The following FRMD4B variants were observed in gnomAD, a reference collection of about 807,000 sequenced individuals.
The protein encoded by FRMD4B is FERM domain-containing protein 4B.
Under a neutral mutation model 141.5 loss-of-function variants are expected in FRMD4B, and 74 were observed. The observed-to-expected ratio is 0.52, with a 90% CI of 0.43 to 0.63. The LOEUF (loss-of-function observed/expected upper bound fraction) is 0.63, where lower values mean the gene tolerates loss of function less well. FRMD4B is among the 30% of genes least tolerant of loss of function. FRMD4B has a pLI of 0.00. For missense variants in FRMD4B, 1,366 were observed against 1,253.4 expected (o/e 1.09, Z -1.36); for synonymous variants, 506 against 467.9 (o/e 1.08, Z -1.05).
At chr3:69,504,698 T>C (rs1706566414) in intron 1 of FRMD4B, among the ~76,000 whole-genome samples, 1 of 152,218 alleles carries the variant, frequency 6.6e-6, no homozygotes, top group African/African-American at 2.4e-5. Context: ...ATTTTATTTA[T>C]CCATTCATCA....
intron 1 of FRMD4B, among the ~76,000 whole-genome samples, chr3:69,516,221 T>C (rs1700754220): frequency 6.6e-6 from 1 of 151,452 alleles, no homozygotes; most frequent in Non-Finnish European, 1.5e-5. Flanking sequence ...CAAGACCCTA[T>C]CTCTAAAATA....
intron 4 of FRMD4B, among the ~76,000 whole-genome samples, chr3:69,290,706 C>G (rs1021337321): frequency 6.6e-6 from 1 of 152,148 alleles, no homozygotes; most frequent in African/African-American, 2.4e-5. Flanking sequence ...AAGTGCTTCC[C>G]GATTGTTCTC....
chr3:69,433,626 C>T (rs1705214062), intron 1 of FRMD4B, among the ~76,000 whole-genome samples: 1 of 152,232 alleles, frequency 6.6e-6, no homozygotes, highest in Non-Finnish European at 1.5e-5. Flanking sequence ...CCTTTGCCCT[C>T]TCTCTCCTTC....
intron 8 of FRMD4B, 63 bp downstream of exon 8, chr3:69,224,544 A>G (rs938066547): frequency 1.3e-6 from 1 of 768,380 alleles, no homozygotes; most frequent in African/African-American, 1.7e-5. Flanking sequence ...AATGCCCTGA[A>G]AAGCATGTAG....
At chr3:69,250,268 T>C in intron 5 of FRMD4B, 169 bp from the exon 6 acceptor site, 1 of 656,550 alleles carries the variant, frequency 1.5e-6, no homozygotes, top group South Asian at 1.7e-5. Flanking sequence ...CATTGAGGGT[T>C]AAGGCGAAAC....
intron 1 of FRMD4B, among the ~76,000 whole-genome samples, chr3:69,338,920 C>T (rs1274298531): frequency 1.3e-5 from 2 of 152,186 alleles, no homozygotes; most frequent in Non-Finnish European, 1.5e-5. Flanking sequence ...GTGCTTGGCA[C>T]ATAGTAAGCA....
intron 2 of FRMD4B, among the ~76,000 whole-genome samples, chr3:69,396,532 CAT>C (rs1334434438): frequency 6.6e-6 from 1 of 151,402 alleles, no homozygotes; most frequent in Non-Finnish European, 1.5e-5. Context: ...TTATAGAAAA[CAT>C]ATCCCTCTTT....
chr3:69,281,838 A>AAATAT (rs1553715921), intron 5 of FRMD4B, among the ~76,000 whole-genome samples: 3,008 of 128,138 alleles, frequency 0.023, 35 homozygotes, highest in Non-Finnish European at 0.033. Flanking sequence ...AAAAAAAAAA[A>AAATAT]ATATATATAT....
At chr3:69,496,642 AG>A (rs1706401523) in intron 1 of FRMD4B, among the ~76,000 whole-genome samples, 1 of 60,546 alleles carries the variant, frequency 1.7e-5, no homozygotes, top group African/African-American at 7.6e-5. Context: ...AGAGAAAGAG[AG>A]AGAGAGAGAG....
intron 11 of FRMD4B, among the ~76,000 whole-genome samples, chr3:69,207,678 C>T (rs948578898): frequency 1.3e-5 from 2 of 151,914 alleles, no homozygotes; most frequent in African/African-American, 2.4e-5. Flanking sequence ...CGTGGTGGGA[C>T]ATGCCTATAC....
intron 5 of FRMD4B, among the ~76,000 whole-genome samples, chr3:69,287,470 G>C (rs1159763969): frequency 6.6e-6 from 1 of 152,180 alleles, no homozygotes; most frequent in Non-Finnish European, 1.5e-5. Context: ...CCATCTTTCT[G>C]TCTTTCTGGG....
At chr3:69,300,558 C>G (rs1197841987) in intron 4 of FRMD4B, among the ~76,000 whole-genome samples, 1 of 152,174 alleles carries the variant, frequency 6.6e-6, no homozygotes, top group African/African-American at 2.4e-5. Context: ...TGACCCAAAA[C>G]AGACCAGATA....
chr3:69,455,041 G>C (rs905798422), intron 1 of FRMD4B, among the ~76,000 whole-genome samples: 4 of 152,210 alleles, frequency 2.6e-5, no homozygotes, highest in Non-Finnish European at 4.4e-5. Context: ...GAACCTTTAT[G>C]TCTAGCTAAA....
intron 1 of FRMD4B, among the ~76,000 whole-genome samples, chr3:69,333,602 AT>A (rs1702449861): frequency 6.6e-6 from 1 of 152,232 alleles, no homozygotes; most frequent in African/African-American, 2.4e-5. Flanking sequence ...TAAGTTATTA[AT>A]TAAACTTTAA....
At chr3:69,310,387 C>T (rs554724840) in intron 3 of FRMD4B, 3 of 436,684 alleles carry the variant, frequency 6.9e-6, no homozygotes, top group Non-Finnish European at 9.3e-6. Context: ...GATGGTTGGC[C>T]AACATATTTT....
intron 1 of FRMD4B, among the ~76,000 whole-genome samples, chr3:69,382,925 T>C (rs1451471467): frequency 6.6e-6 from 1 of 152,178 alleles, no homozygotes; most frequent in Non-Finnish European, 1.5e-5. Context: ...TTCATTCTAC[T>C]GCTAGACTTT....
At chr3:69,307,613 A>G (rs1489544635) in intron 3 of FRMD4B, among the ~76,000 whole-genome samples, 2 of 152,152 alleles carry the variant, frequency 1.3e-5, no homozygotes, top group Non-Finnish European at 1.5e-5. Context: ...TGTTGAGATT[A>G]CAGGCGTGAG....
upstream of FRMD4B, among the ~76,000 whole-genome samples, chr3:69,390,270 G>T (rs942271920): frequency 2.6e-5 from 4 of 152,172 alleles, no homozygotes; most frequent in African/African-American, 9.7e-5. Context: ...TCATTTTTCA[G>T]CTGTACTCTC....
At chr3:69,293,122 A>T in intron 4 of FRMD4B, 1 of 369,098 alleles carries the variant, frequency 2.7e-6, no homozygotes, top group African/African-American at 2.1e-5. Flanking sequence ...CACCACTGTG[A>T]CATGACAAAG....
Sources: allele counts gnomAD v4.1 joint callset (sites outside exome capture counted in the v4.1 genomes callset), GRCh38; gene constraint gnomAD v4.1.1; transcripts MANE v1.5; gene names NCBI Gene and HGNC (gene_info 2026-07-23, HGNC 2026-07-21).